The following CORO2B variants were observed in gnomAD, a reference collection of about 807,000 sequenced individuals.
The protein encoded by CORO2B is coronin 2B.
CORO2B carries 26 observed loss-of-function variants against 58.8 expected under a neutral mutation model. The observed-to-expected ratio is 0.44, with a 90% CI of 0.32 to 0.61. The LOEUF (loss-of-function observed/expected upper bound fraction) is 0.61, where lower values mean the gene tolerates loss of function less well. CORO2B is among the 20% of genes least tolerant of loss of function. The probability of loss-of-function intolerance (pLI) is 0.04; values close to 1 mark genes in which losing one functional copy is unlikely to be tolerated. For synonymous variants in CORO2B, 242 were observed against 253.8 expected (o/e 0.95, Z 0.44); for missense variants, 460 against 645.1 (o/e 0.71, Z 3.11).
In CORO2B at chr15:68,714,649, T is replaced by C; in HGVS notation, c.856T>C (p.Tyr286His). The change falls in exon 7 of 12, where the codon TAC becomes CAC. Residue 286 changes from tyrosine to histidine, a missense_variant. Physicochemically the swap from Tyr to His is moderately conservative, Grantham distance 83. Coordinates refer to ENST00000261861, the MANE Select transcript of CORO2B (RefSeq NM_006091.5). ...CTATGATGCTGACACCCACATGCTC[T>C]ACCTGGCTGGAAAGGTAGTAGGAGG... ...PFYDADTHML[Y>H]LAGKGDGNIR... 6.2e-7 allele frequency: 1 copy of C among 1,613,830 alleles called. No homozygotes were observed.
At chr15:68,711,752 C>G in intron 5 of CORO2B, 46 bp downstream of exon 5, 1 of 1,607,738 alleles carries the variant, frequency 6.2e-7, no homozygotes. Flanking sequence ...GTATTGAGGG[C>G]TGGGGCTCAG....
chr15:68,703,614 A>G (rs533574629), intron 3 of CORO2B, among the ~76,000 whole-genome samples: 2 of 152,268 alleles, frequency 1.3e-5, no homozygotes, highest in South Asian at 2.1e-4. Flanking sequence ...TACCATATAT[A>G]CAGACAGTGG....
In CORO2B at chr15:68,687,933, T is replaced by C. The variant is rs1038656461; in HGVS notation, c.217-7207T>C. Among the ~76,000 whole-genome samples, 50 of 152,180 alleles carry C rather than the reference T, an allele frequency of 3.3e-4. 1 individual carries two copies. Among genetic ancestry groups the C allele is most frequent in the Non-Finnish European group, 5.9e-5 (4 of 68,024 alleles). On this transcript the variant is annotated intron_variant, in intron 2 of 11. Transcript: ENST00000261861. The stretch of plus-strand genomic sequence containing the variant: ...TGACCTAATCACCTCTTATAACCAC[T>C]TCCCAACACTGTAGCATTGGAGACT...
intron 2 of CORO2B, among the ~76,000 whole-genome samples, chr15:68,650,970 T>C (rs565663188): frequency 1.3e-5 from 2 of 152,104 alleles, no homozygotes; most frequent in East Asian, 1.9e-4. Context: ...CCCTCCCTTA[T>C]GTATGTTGCA....
intron 1 of CORO2B, among the ~76,000 whole-genome samples, chr15:68,605,711 GTTTTTTTTTTTTTTT>G (rs35340917): frequency 2.0e-5 from 2 of 99,094 alleles, no homozygotes; most frequent in South Asian, 6.7e-4. Context: ...GGGCTCTTGG[GTTTTTTTTTTTTTTT>G]TTTTTTTTTT....
At chr15:68,699,676 G>A (rs1382329099) in intron 3 of CORO2B, among the ~76,000 whole-genome samples, 3 of 152,188 alleles carry the variant, frequency 2.0e-5, no homozygotes, top group African/African-American at 7.2e-5. Context: ...TAGGGATCTT[G>A]GCAGTGGAAC....
At chr15:68,654,589 C>G (rs1427236185) in intron 2 of CORO2B, among the ~76,000 whole-genome samples, 1 of 152,200 alleles carries the variant, frequency 6.6e-6, no homozygotes, top group Non-Finnish European at 1.5e-5. Flanking sequence ...AGCTCCACCC[C>G]TTAGCTGTGA....
chr15:68,623,982 C>A (rs528841491), intron 1 of CORO2B, among the ~76,000 whole-genome samples: 1 of 152,094 alleles, frequency 6.6e-6, no homozygotes, highest in African/African-American at 2.4e-5. Flanking sequence ...CAACCTCCAA[C>A]AAGAAGGAGG....
the CORO2B span, chr15:68,559,471 A>C: frequency 7.8e-6 from 3 of 382,556 alleles, no homozygotes; most frequent in Non-Finnish European, 1.1e-5. The surrounding 1 kb of genome is among the most constrained non-coding windows in gnomAD (Gnocchi z 4.3). Context: ...TCCCTGCCCC[A>C]GTCTTGAGTC....
intron 3 of CORO2B, among the ~76,000 whole-genome samples, chr15:68,709,445 GA>G (rs930369043): frequency 1.4e-5 from 2 of 140,848 alleles, no homozygotes; most frequent in Non-Finnish European, 3.0e-5. Context: ...TTTTCGAAAA[GA>G]TTTTTTTTTC....
Position 68,715,311 on chromosome 15 carries a change from G to C in CORO2B, c.967G>C (p.Gly323Arg). 1 of 1,613,486 alleles carries C rather than the reference G, an allele frequency of 6.2e-7. No homozygotes were observed. The highest frequency in any genetic ancestry group is 8.5e-7 in the Non-Finnish European group (1 of 1,179,512). ...FRSPAPQKGL[G>R]VMPKHGLDVS... ...CTCCCCAGCCCCGCAGAAAGGCCTA[G>C]GTAAGTGGCCCCGAGGCTGCCACAG... The change falls in exon 8 of 12, where the codon GGG becomes CGG. Residue 323 changes from glycine (G) to arginine (R), a missense_variant and splice_region_variant. Physicochemically the swap from Gly to Arg is moderately radical, Grantham distance 125. Transcript: ENST00000261861.
chr15:68,530,311 T>C, the CORO2B span, among the ~76,000 whole-genome samples: 1 of 152,022 alleles, frequency 6.6e-6, no homozygotes, highest in Non-Finnish European at 1.5e-5. Context: ...GGTGACAGAG[T>C]GAGACTCTGT....
chr15:68,636,742 G>T (rs184987794), intron 1 of CORO2B, among the ~76,000 whole-genome samples: 18 of 152,356 alleles, frequency 1.2e-4, no homozygotes, highest in Admixed American at 4.6e-4. Flanking sequence ...ACTTCCAGGT[G>T]TGGAGGTTTG....
chr15:68,640,070 T>C (rs574614833), intron 1 of CORO2B, among the ~76,000 whole-genome samples: 1 of 152,246 alleles, frequency 6.6e-6, no homozygotes, highest in South Asian at 2.1e-4. Flanking sequence ...TCTTTTCTGT[T>C]CCCTGCCTGC....
intron 3 of CORO2B, among the ~76,000 whole-genome samples, chr15:68,709,217 G>A (rs1892853586): frequency 6.6e-6 from 1 of 152,032 alleles, no homozygotes; most frequent in Non-Finnish European, 1.5e-5. Context: ...TAATATAAAC[G>A]TCTTTATGGC....
At chr15:68,629,464 A>C (rs1372217318) in intron 1 of CORO2B, among the ~76,000 whole-genome samples, 1 of 152,166 alleles carries the variant, frequency 6.6e-6, no homozygotes, top group African/African-American at 2.4e-5. Flanking sequence ...AGGTGAGGAG[A>C]GAGACTTTAT....
At chr15:68,577,943 G>C (rs182000557), upstream of CORO2B, among the ~76,000 whole-genome samples, 1 of 152,124 alleles carries the variant, frequency 6.6e-6, no homozygotes, top group South Asian at 2.1e-4. Flanking sequence ...CGTGGAGCAG[G>C]AAGCCAGCAC....
intron 2 of CORO2B, among the ~76,000 whole-genome samples, chr15:68,682,542 G>A (rs148636862): frequency 5.3e-5 from 8 of 152,258 alleles, no homozygotes; most frequent in South Asian, 2.1e-4. Flanking sequence ...TTCTCTGATC[G>A]ACTGGTAGGG....
upstream of CORO2B, chr15:68,578,949 C>G: frequency 3.0e-5 from 19 of 631,000 alleles, no homozygotes; most frequent in South Asian, 7.0e-5. The surrounding 1 kb of genome is among the most constrained non-coding windows in gnomAD (Gnocchi z 4.2). Flanking sequence ...GGCCCCTCTT[C>G]CTCCCCCCGC....
Sources: gnomAD v4.1 joint callset for allele counts (sites outside exome capture counted in the v4.1 genomes callset) on GRCh38, gnomAD v4.1.1 for gene constraint, Gnocchi (gnomAD v3.1) non-coding constraint, MANE v1.5 for transcripts, NCBI Gene and HGNC (gene_info 2026-07-23, HGNC 2026-07-21) for gene names.